The following CPNE4 variants were observed in gnomAD, a reference collection of about 807,000 sequenced individuals.
The protein encoded by CPNE4 is copine-4.
Under a neutral mutation model 67.9 loss-of-function variants are expected in CPNE4, and 25 were observed. That is an observed-to-expected ratio of 0.37 (90% CI 0.27 to 0.51). The LOEUF (loss-of-function observed/expected upper bound fraction) is 0.51, where lower values mean the gene tolerates loss of function less well. Among genes scored for constraint, CPNE4 ranks in the 20% least tolerant of loss-of-function variants. CPNE4 has a pLI of 0.93. For synonymous variants in CPNE4, 242 were observed against 244.9 expected, an observed-to-expected ratio of 0.99 and a Z score of 0.11; for missense variants, 464 against 690.8, an observed-to-expected ratio of 0.67 and a Z score of 3.68.
intron 7 of CPNE4, among the ~76,000 whole-genome samples, chr3:131,663,418 T>A (rs1354009068): frequency 1.3e-5 from 2 of 151,950 alleles, no homozygotes; most frequent in Non-Finnish European, 1.5e-5. Flanking sequence ...CCATAGCCCG[T>A]GTATACCTAC....
chr3:131,915,870 G>T (rs190650109), intron 1 of CPNE4, among the ~76,000 whole-genome samples: 1 of 152,296 alleles, frequency 6.6e-6, no homozygotes, highest in East Asian at 1.9e-4. Flanking sequence ...GATTCATAAA[G>T]ATGAGATTTC....
chr3:131,735,737 T>G (rs1220214272), intron 2 of CPNE4, among the ~76,000 whole-genome samples: 2 of 152,248 alleles, frequency 1.3e-5, no homozygotes, highest in East Asian at 1.9e-4. Context: ...GCAAGTTGAC[T>G]TCATACTCCA....
At chr3:131,698,280 T>C (rs2081207611) in intron 4 of CPNE4, among the ~76,000 whole-genome samples, 1 of 142,220 alleles carries the variant, frequency 7.0e-6, no homozygotes, top group Non-Finnish European at 1.5e-5. Context: ...ATCAAACTTT[T>C]CTTGGATATG....
intron 3 of CPNE4, among the ~76,000 whole-genome samples, chr3:131,721,556 C>G (rs1173167864): frequency 1.3e-5 from 2 of 151,976 alleles, no homozygotes; most frequent in Non-Finnish European, 2.9e-5. Context: ...CCACCACACC[C>G]GGCTATTTTT....
intron 7 of CPNE4, among the ~76,000 whole-genome samples, chr3:131,653,017 C>T (rs554510589): frequency 2.6e-5 from 4 of 152,292 alleles, no homozygotes; most frequent in Admixed American, 6.5e-5. Context: ...TTTTCATCCA[C>T]GTGACCAATA....
At chr3:131,753,785 G>A (rs2107801175) in intron 2 of CPNE4, among the ~76,000 whole-genome samples, 1 of 152,210 alleles carries the variant, frequency 6.6e-6, no homozygotes, top group East Asian at 1.9e-4. Context: ...TATTCTGCTT[G>A]AGATATAGCA....
At chr3:131,899,929 T>C (rs1232008158) in intron 2 of CPNE4, among the ~76,000 whole-genome samples, 1 of 152,084 alleles carries the variant, frequency 6.6e-6, no homozygotes, top group Non-Finnish European at 1.5e-5. Flanking sequence ...ACAAGCCCTC[T>C]AGCCAAGAAA....
At position 131,864,186 on chromosome 3, in the gene CPNE4, C is replaced by T. The variant is rs1032638701; in HGVS notation, c.180+41078G>A. ...TTGGCTTAGGCTTGACTTGGCAATGCGGGCTCTTTTTTGGTTCCATATGAA... is the reference window on the plus strand; with the variant it reads ...TTGGCTTAGGCTTGACTTGGCAATGTGGGCTCTTTTTTGGTTCCATATGAA... On this transcript the variant is annotated intron_variant, in intron 2 of 15. Coordinates refer to ENST00000429747, the MANE Select transcript of CPNE4 (RefSeq NM_130808.3). 8.6e-3 allele frequency among the ~76,000 whole-genome samples: 1,306 copies of T among 151,046 alleles called. 15 individuals carry two copies. The highest frequency in any genetic ancestry group is 0.029 in the African/African-American group (1,203 of 41,432).
rs972966477 is a variant in CPNE4 at position 131,989,895 on chromosome 3, G to A, written c.-2+44672C>T. 5.9e-5 allele frequency among the ~76,000 whole-genome samples: 8 copies of A among 135,972 alleles called. 1 individual carries two copies. The highest frequency in any genetic ancestry group is 1.3e-4 in the Non-Finnish European group (8 of 60,044). 89.2% of individuals were successfully genotyped at this position (135,972 alleles called of 152,430 possible). A position where few individuals can be genotyped will look rare whatever the true frequency, so the allele number is the denominator to read the frequency against. ...CTTATAACCAAGCATGAAGGGCCCA[G>A]AATTCTGGACTAAAGAGGCTTAAAT... is the stretch of plus-strand genomic sequence containing the variant. On this transcript the variant is annotated intron_variant, in intron 1 of 15. Transcript: ENST00000429747.
At chr3:131,737,115 C>CTGTTTGTTTTTTTTTTTTTTTTTTT (rs2082254006) in intron 2 of CPNE4, among the ~76,000 whole-genome samples, 1 of 49,362 alleles carries the variant, frequency 2.0e-5, no homozygotes, top group Non-Finnish European at 3.6e-5. Context: ...AGTATTGTGT[C>CTGTTTGTTTTTTTTTTTTTTTTTTT]TTTTTTTTTT....
intron 2 of CPNE4, among the ~76,000 whole-genome samples, chr3:131,738,727 C>T (rs1220772776): frequency 6.6e-6 from 1 of 151,976 alleles, no homozygotes; most frequent in Non-Finnish European, 1.5e-5. Context: ...TATGGATTAT[C>T]CATGGTTCAC....
chr3:131,719,427 G>A (rs56121095), intron 3 of CPNE4, among the ~76,000 whole-genome samples: 11,970 of 152,196 alleles, frequency 0.079, 550 homozygotes, highest in African/African-American at 0.11. Flanking sequence ...TACCAAAAAC[G>A]TATCTTGAAA....
chr3:131,801,020 A>G (rs1392985410), intron 2 of CPNE4, among the ~76,000 whole-genome samples: 1 of 152,124 alleles, frequency 6.6e-6, no homozygotes, highest in Non-Finnish European at 1.5e-5. Context: ...GAGATGAGAA[A>G]AAGGACAGAG....
chr3:131,995,361 T>C (rs2073264806), intron 1 of CPNE4, among the ~76,000 whole-genome samples: 1 of 152,288 alleles, frequency 6.6e-6, no homozygotes, highest in East Asian at 1.9e-4. Context: ...CCTTTTCTCA[T>C]GTGTCTCTAA....
intron 2 of CPNE4, among the ~76,000 whole-genome samples, chr3:131,851,064 A>C (rs1221054322): frequency 6.6e-6 from 1 of 151,438 alleles, no homozygotes; most frequent in African/African-American, 2.4e-5. Flanking sequence ...CAACACAATG[A>C]GGGAATGTAC....
At chr3:131,840,144 G>C (rs2085717215) in intron 2 of CPNE4, among the ~76,000 whole-genome samples, 1 of 152,122 alleles carries the variant, frequency 6.6e-6, no homozygotes, top group Admixed American at 6.6e-5. Context: ...TTTAATGAAG[G>C]AGTTAGCATA....
chr3:132,030,990 C>G (rs185386736), intron 1 of CPNE4, among the ~76,000 whole-genome samples: 3 of 152,254 alleles, frequency 2.0e-5, no homozygotes, highest in African/African-American at 7.2e-5. Context: ...CACATAAATA[C>G]TTTATCCAAA....
chr3:131,829,206 T>C (rs542718963), intron 2 of CPNE4, among the ~76,000 whole-genome samples: 2 of 152,292 alleles, frequency 1.3e-5, no homozygotes, highest in South Asian at 4.1e-4. Flanking sequence ...GTTCCTCCCA[T>C]GACATGTGGG....
chr3:131,599,226 C>T (rs1164664632), intron 7 of CPNE4, among the ~76,000 whole-genome samples: 1 of 152,148 alleles, frequency 6.6e-6, no homozygotes, highest in Non-Finnish European at 1.5e-5. Flanking sequence ...GGACTGTAAA[C>T]ATCTATGAAA....
Sources: allele counts gnomAD v4.1 joint callset (sites outside exome capture counted in the v4.1 genomes callset), GRCh38; gene constraint gnomAD v4.1.1; transcripts MANE v1.5; gene names NCBI Gene and HGNC (gene_info 2026-07-23, HGNC 2026-07-21).